Variants in SNTB1 observed in about 807,000 individuals in gnomAD.
The protein encoded by SNTB1 is syntrophin beta 1.
SNTB1 carries 36 observed loss-of-function variants against 48.9 expected under a neutral mutation model. The observed-to-expected ratio is 0.74, with a 90% CI of 0.56 to 0.97. The LOEUF (loss-of-function observed/expected upper bound fraction) is 0.97. Ranked by LOEUF, SNTB1 falls within the 50% of genes least tolerant of loss-of-function variation. SNTB1 has a pLI of 0.00. For missense variants in SNTB1, 786 were observed against 703.4 expected (o/e 1.12, Z -1.33); for synonymous variants, 299 against 294.6 (o/e 1.01, Z -0.15).
chr8:120,644,083 T>C (rs1405437777), intron 2 of SNTB1, among the ~76,000 whole-genome samples: 7 of 151,986 alleles, frequency 4.6e-5, no homozygotes, highest in African/African-American at 1.7e-4. Context: ...TGTTAGCAAA[T>C]GTAGAGGGAG....
At chr8:120,655,512 G>C (rs1186761164) in intron 2 of SNTB1, among the ~76,000 whole-genome samples, 1 of 152,178 alleles carries the variant, frequency 6.6e-6, no homozygotes, top group Non-Finnish European at 1.5e-5. Flanking sequence ...TCTTAGTGGG[G>C]TAGCCCATCC....
At chr8:120,621,676 A>G (rs1816795588) in intron 3 of SNTB1, among the ~76,000 whole-genome samples, 1 of 152,226 alleles carries the variant, frequency 6.6e-6, no homozygotes, top group African/African-American at 2.4e-5. Flanking sequence ...TTTTCAGAAC[A>G]GAAGGAATGT....
chr8:120,698,075 G>A (rs995965658), intron 1 of SNTB1, among the ~76,000 whole-genome samples: 1 of 152,084 alleles, frequency 6.6e-6, no homozygotes, highest in Non-Finnish European at 1.5e-5. Flanking sequence ...TGGCAGAGCC[G>A]AAGAATTTTC....
In SNTB1 at chr8:120,634,109, T is replaced by C. The variant is rs141704032; in HGVS notation, c.789-1458A>G. ...TAGGCAACAACTAACCTGTTCTCCG[T>C]ATCTGTAAATTTTAGACAGATACTT... On this transcript the variant is annotated intron_variant, in intron 2 of 6. Transcript: ENST00000517992. Among the ~76,000 whole-genome samples the C allele has an allele frequency of 6.2e-3, 946 of 152,282 alleles. 6 individuals carry two copies. The highest frequency in any genetic ancestry group is 0.01 in the Middle Eastern group (3 of 294).
intron 4 of SNTB1, chr8:120,571,165 G>C (rs554344675): frequency 4.9e-6 from 6 of 1,214,360 alleles, no homozygotes; most frequent in Admixed American, 2.8e-5. Context: ...GGCTATGTAC[G>C]AGGGTAAATT....
At chr8:120,653,757 G>A (rs1817446852) in intron 2 of SNTB1, among the ~76,000 whole-genome samples, 1 of 152,008 alleles carries the variant, frequency 6.6e-6, no homozygotes, top group Admixed American at 6.6e-5. Context: ...TGTCTTCTTA[G>A]GGCCGGGTGC....
At chr8:120,804,326 T>C (rs1820288091) in intron 1 of SNTB1, among the ~76,000 whole-genome samples, 2 of 152,096 alleles carry the variant, frequency 1.3e-5, no homozygotes, top group Non-Finnish European at 1.5e-5. Context: ...CAGCCTAATA[T>C]GTTCCAGGCA....
chr8:120,569,781 T>C (rs1239398173), intron 4 of SNTB1, among the ~76,000 whole-genome samples: 1 of 152,246 alleles, frequency 6.6e-6, no homozygotes, highest in African/African-American at 2.4e-5. Context: ...ATTGGACCCT[T>C]GAAATATGGC....
rs183690120 is a variant in SNTB1, at chr8:120,710,195, A to G, written c.572-16287T>C. ...TGACTTAAACCCTTCCTCCTATTCTAAAACACTATCTATGTTCCCTGATCT... is the reference window on the plus strand; with the variant it reads ...TGACTTAAACCCTTCCTCCTATTCTGAAACACTATCTATGTTCCCTGATCT... On this transcript the variant is annotated intron_variant, in intron 1 of 6. Coordinates refer to ENST00000517992, the MANE Select transcript of SNTB1 (RefSeq NM_021021.4). Among the ~76,000 whole-genome samples the G allele has an allele frequency of 2.5e-4, 38 of 152,322 alleles. No homozygotes were observed. In the East Asian group the frequency reaches 6.2e-3, roughly 25 times the overall value.
chr8:120,744,881 T>A (rs1400872746), intron 1 of SNTB1, among the ~76,000 whole-genome samples: 1 of 152,212 alleles, frequency 6.6e-6, no homozygotes, highest in African/African-American at 2.4e-5. Context: ...TGGTAGATTT[T>A]AAAAATATAG....
intron 3 of SNTB1, among the ~76,000 whole-genome samples, chr8:120,586,235 C>T (rs1338286444): frequency 6.6e-6 from 1 of 152,198 alleles, no homozygotes; most frequent in Non-Finnish European, 1.5e-5. Flanking sequence ...TCAAGAGAAG[C>T]CAGGAATCCG....
chr8:120,798,647 A>G (rs1820163055), intron 1 of SNTB1, among the ~76,000 whole-genome samples: 1 of 152,080 alleles, frequency 6.6e-6, no homozygotes, highest in Non-Finnish European at 1.5e-5. Flanking sequence ...TGGATTTCAC[A>G]AACACTCTGC....
intron 1 of SNTB1, among the ~76,000 whole-genome samples, chr8:120,717,199 G>A (rs1466326266): frequency 6.6e-6 from 1 of 152,142 alleles, no homozygotes; most frequent in Non-Finnish European, 1.5e-5. Context: ...TGATCCTCAG[G>A]CCACTACGGA....
rs151072465 is a variant in SNTB1, at chr8:120,799,503, T to A, written c.571+11770A>T. Among the ~76,000 whole-genome samples the A allele has an allele frequency of 5.3e-3, 812 of 151,882 alleles. 2 individuals carry two copies. Among genetic ancestry groups the A allele is most frequent in the Middle Eastern group, 0.027 (8 of 294 alleles). ...GAACAATCAAAGAACAAGAAAATGGTTTGGGAACTTAGAGATATGATAGAT... is the reference window on the plus strand; with the variant it reads ...GAACAATCAAAGAACAAGAAAATGGATTGGGAACTTAGAGATATGATAGAT... On this transcript the variant is annotated intron_variant, in intron 1 of 6. Transcript: ENST00000517992.
chr8:120,736,350 C>T (rs1818944516), intron 1 of SNTB1, among the ~76,000 whole-genome samples: 1 of 152,084 alleles, frequency 6.6e-6, no homozygotes, highest in African/African-American at 2.4e-5. Flanking sequence ...ATAGCTAAGG[C>T]CCAGGACAAA....
intron 1 of SNTB1, among the ~76,000 whole-genome samples, chr8:120,737,648 GGCAA>G (rs1418469665): frequency 6.6e-6 from 1 of 152,076 alleles, no homozygotes; most frequent in African/African-American, 2.4e-5. Context: ...TATGGCTGAG[GGCAA>G]ACCTGGGGCC....
intron 1 of SNTB1, among the ~76,000 whole-genome samples, chr8:120,743,177 A>T (rs1193486169): frequency 6.6e-6 from 1 of 152,196 alleles, no homozygotes; most frequent in Admixed American, 6.5e-5. Flanking sequence ...CAATTGTTCC[A>T]CAAGGAAACT....
chr8:120,554,316 C>G (rs953981931), intron 4 of SNTB1, among the ~76,000 whole-genome samples: 3 of 152,098 alleles, frequency 2.0e-5, no homozygotes, highest in African/African-American at 7.2e-5. Context: ...GGGACAGGCT[C>G]CGTCTGGCCA....
At chr8:120,672,338 C>G (rs1226985049) in intron 2 of SNTB1, among the ~76,000 whole-genome samples, 4 of 152,010 alleles carry the variant, frequency 2.6e-5, no homozygotes, top group Non-Finnish European at 4.4e-5. Context: ...AAAGTGATAC[C>G]CTAGAGCAAC....
Sources: gnomAD v4.1 joint callset for allele counts (sites outside exome capture counted in the v4.1 genomes callset) on GRCh38, gnomAD v4.1.1 for gene constraint, MANE v1.5 for transcripts, NCBI Gene and HGNC (gene_info 2026-07-23, HGNC 2026-07-21) for gene names.